Variants in TBC1D1 observed in about 807,000 individuals in gnomAD.
The protein encoded by TBC1D1 is TBC1 (tre-2/USP6, BUB2, cdc16) domain family, member 1.
In TBC1D1, 89 loss-of-function variants were observed where a neutral mutation model predicts 125.6. That is an observed-to-expected ratio of 0.71 (90% confidence interval 0.60 to 0.85). The LOEUF (loss-of-function observed/expected upper bound fraction) is 0.85. Among genes scored for constraint, TBC1D1 ranks in the 40% least tolerant of loss-of-function variants. The pLI is 0.00. For synonymous variants in TBC1D1, 565 were observed against 564.1 expected, an observed-to-expected ratio of 1.00 and a Z score of -0.02; for missense variants, 1,377 against 1,469.2, an observed-to-expected ratio of 0.94 and a Z score of 1.03.
intron 2 of TBC1D1, among the ~76,000 whole-genome samples, chr4:37,920,797 A>G (rs986346171): frequency 6.6e-6 from 1 of 152,148 alleles, no homozygotes; most frequent in African/African-American, 2.4e-5. Flanking sequence ...TTGTCCCAAA[A>G]CAGTAGGGAG....
intron 2 of TBC1D1, among the ~76,000 whole-genome samples, chr4:37,937,235 C>A (rs1028461531): frequency 4.6e-5 from 7 of 152,110 alleles, no homozygotes; most frequent in African/African-American, 1.7e-4. Flanking sequence ...TTGTCTGAAC[C>A]AAGGTGGGTT....
At chr4:37,936,404 G>A (rs144501171) in intron 2 of TBC1D1, among the ~76,000 whole-genome samples, 13 of 152,238 alleles carry the variant, frequency 8.5e-5, no homozygotes, top group African/African-American at 2.6e-4. Flanking sequence ...GGGGGTTACC[G>A]CAACATAAAT....
chr4:37,978,316 G>C (rs986281944), intron 2 of TBC1D1, among the ~76,000 whole-genome samples: 2 of 151,886 alleles, frequency 1.3e-5, no homozygotes, highest in Non-Finnish European at 2.9e-5. Context: ...ACCTTGAAAG[G>C]CTCGCTGGTC....
chr4:38,063,691 C>T (rs1317338260), intron 12 of TBC1D1, among the ~76,000 whole-genome samples: 1 of 151,306 alleles, frequency 6.6e-6, no homozygotes, highest in African/African-American at 2.4e-5. Context: ...TGCAGTGGTG[C>T]GATCTCGGCT....
At chr4:37,945,068 A>G (rs1726386832) in intron 2 of TBC1D1, among the ~76,000 whole-genome samples, 1 of 150,448 alleles carries the variant, frequency 6.6e-6, no homozygotes, top group African/African-American at 2.4e-5. Flanking sequence ...TGTAAGAAAT[A>G]TATGACAAAC....
In TBC1D1 at chr4:37,901,961, A is replaced by G. The variant is rs553497689; in HGVS notation, c.-93-42A>G. The G allele has an allele frequency of 4.5e-5, 39 of 876,164 alleles. No homozygotes were observed. In the African/African-American group the frequency reaches 6.2e-4, roughly 14 times the overall value. The allele number at this position is 876,164 out of a possible 1,614,324, so 54.3% of individuals were successfully genotyped here. ...TAGCCCTTTGAAGGTAGCTATTGCT[A>G]TGACTTCATTAAATTCTAATGCCTC... On this transcript the variant is annotated intron_variant, in intron 1 of 19. Transcript: ENST00000261439.
At chr4:38,057,425 C>T (rs918920915) in intron 12 of TBC1D1, among the ~76,000 whole-genome samples, 2 of 152,310 alleles carry the variant, frequency 1.3e-5, no homozygotes, top group Admixed American at 1.3e-4. Context: ...TCCGGCAGCT[C>T]CTGCAGGCTT....
intron 2 of TBC1D1, among the ~76,000 whole-genome samples, chr4:37,981,465 CCT>C (rs1734320876): frequency 1.3e-5 from 2 of 152,088 alleles, no homozygotes; most frequent in Admixed American, 1.3e-4. Context: ...CAAGCAGACC[CCT>C]GTTTTCATGG....
intron 2 of TBC1D1, among the ~76,000 whole-genome samples, chr4:37,953,483 A>C (rs1318985620): frequency 6.6e-6 from 1 of 152,242 alleles, no homozygotes; most frequent in Non-Finnish European, 1.5e-5. Context: ...ATGTAGTATA[A>C]TATGTAAAAT....
chr4:38,018,246 G>GATT, intron 3 of TBC1D1, 108 bp from the exon 4 acceptor site: 1 of 827,398 alleles, frequency 1.2e-6, no homozygotes, highest in Non-Finnish European at 2.0e-6. Context: ...TGATTTCTAC[G>GATT]ATGATAGAGT....
intron 12 of TBC1D1, among the ~76,000 whole-genome samples, chr4:38,087,658 A>G (rs1346691402): frequency 6.6e-6 from 1 of 151,972 alleles, no homozygotes; most frequent in African/African-American, 2.4e-5. Context: ...TCTGGCCAAC[A>G]TGGTGAAACC....
chr4:38,020,335 G>A (rs534768336), intron 4 of TBC1D1, among the ~76,000 whole-genome samples: 20 of 152,124 alleles, frequency 1.3e-4, no homozygotes, highest in South Asian at 2.1e-4. Context: ...AAAATTAGCC[G>A]GGTGTGGTGG....
chr4:38,063,748 C>T lies in TBC1D1; in HGVS notation c.2050+9410C>T, dbSNP rs914931825. Among the ~76,000 whole-genome samples, 6 of 151,980 alleles carry T rather than the reference C, an allele frequency of 3.9e-5. No homozygotes were observed. In the South Asian group the frequency reaches 6.2e-4, roughly 16 times the overall value. On this transcript the variant is annotated intron_variant, in intron 12 of 19. Coordinates refer to ENST00000261439, the MANE Select transcript of TBC1D1 (RefSeq NM_015173.4). ...GGTTCAAGTGATTCTCATGCCTCAG[C>T]GACCTGAGTAGCTGGGATTACAGGC... is the stretch of plus-strand genomic sequence containing the variant.
chr4:37,954,776 GAA>G (rs10567419), intron 2 of TBC1D1, among the ~76,000 whole-genome samples: 1,707 of 147,824 alleles, frequency 0.012, 30 homozygotes, highest in African/African-American at 0.04. Flanking sequence ...GTGATTCACT[GAA>G]ACTCTGATGG....
intron 12 of TBC1D1, among the ~76,000 whole-genome samples, chr4:38,081,752 AT>A (rs1356738486): frequency 6.6e-6 from 1 of 152,132 alleles, no homozygotes; most frequent in African/African-American, 2.4e-5. Context: ...TGCTATTATT[AT>A]CGGTGATTTA....
intron 15 of TBC1D1, among the ~76,000 whole-genome samples, chr4:38,109,235 A>G (rs997498500): frequency 1.3e-5 from 2 of 152,322 alleles, no homozygotes; most frequent in South Asian, 2.1e-4. Context: ...GAGGAGCCTA[A>G]TGAATTCTTG....
intron 12 of TBC1D1, among the ~76,000 whole-genome samples, chr4:38,083,088 A>G (rs566248533): frequency 3.3e-5 from 5 of 151,988 alleles, no homozygotes; most frequent in Non-Finnish European, 5.9e-5. Flanking sequence ...TTCTGTGTCC[A>G]TAGCTCTTTT....
At chr4:38,100,664 A>T (rs1700824671) in intron 14 of TBC1D1, among the ~76,000 whole-genome samples, 1 of 152,162 alleles carries the variant, frequency 6.6e-6, no homozygotes, top group Non-Finnish European at 1.5e-5. Flanking sequence ...AAGGTATAGG[A>T]TGTGGTCATG....
chr4:38,120,641 C>T (rs11934974), intron 17 of TBC1D1, among the ~76,000 whole-genome samples: 5,979 of 152,268 alleles, frequency 0.039, 388 homozygotes, highest in African/African-American at 0.13. Flanking sequence ...GTATCTGCTC[C>T]TTGGAGGGGC....
Sources: gnomAD v4.1 joint callset for allele counts (sites outside exome capture counted in the v4.1 genomes callset) on GRCh38, gnomAD v4.1.1 for gene constraint, MANE v1.5 for transcripts, NCBI Gene and HGNC (gene_info 2026-07-23, HGNC 2026-07-21) for gene names.